The following SPAG16 variants were observed in gnomAD, a reference collection of about 807,000 sequenced individuals.
SPAG16 encodes sperm-associated antigen 16 protein.
SPAG16 carries 86 observed loss-of-function variants against 80.4 expected under a neutral mutation model. The ratio of observed to expected loss-of-function variants is 1.07; its 90% confidence interval spans 0.90 to 1.28. The LOEUF (loss-of-function observed/expected upper bound fraction) is 1.28. SPAG16 is among the 50% of genes most tolerant of loss of function. SPAG16 has a pLI of 0.00. For synonymous variants in SPAG16, 294 were observed against 265.9 expected (o/e 1.11, Z -1.03); for missense variants, 870 against 765.3 (o/e 1.14, Z -1.61).
At chr2:213,613,894 G>A (rs554143274) in intron 10 of SPAG16, among the ~76,000 whole-genome samples, 4 of 152,160 alleles carry the variant, frequency 2.6e-5, no homozygotes, top group African/African-American at 9.7e-5. Context: ...TATAAACTAA[G>A]AATGGAAGTA....
chr2:214,353,826 C>G (rs1040167774), intron 15 of SPAG16, among the ~76,000 whole-genome samples: 1 of 152,078 alleles, frequency 6.6e-6, no homozygotes, highest in Non-Finnish European at 1.5e-5. Flanking sequence ...CACTAATTTC[C>G]AACCTGCTTC....
At chr2:213,354,092 G>A (rs183814603) in intron 7 of SPAG16, among the ~76,000 whole-genome samples, 2 of 152,242 alleles carry the variant, frequency 1.3e-5, no homozygotes, top group African/African-American at 2.4e-5. Context: ...GTGTCCATGT[G>A]TTCTCATTGT....
At chr2:213,342,285 GTA>G (rs199963967) in intron 6 of SPAG16, among the ~76,000 whole-genome samples, 1,961 of 144,704 alleles carry the variant, frequency 0.014, 22 homozygotes, top group South Asian at 0.037. Flanking sequence ...ACATACATAT[GTA>G]TATATATATG....
chr2:213,790,002 T>C (rs546198070), intron 10 of SPAG16, among the ~76,000 whole-genome samples: 1 of 152,042 alleles, frequency 6.6e-6, no homozygotes, highest in African/African-American at 2.4e-5. Flanking sequence ...AATCTGCCCT[T>C]CAAAAATGAT....
At chr2:213,683,544 C>G (rs2064500875) in intron 10 of SPAG16, among the ~76,000 whole-genome samples, 1 of 151,352 alleles carries the variant, frequency 6.6e-6, no homozygotes, top group African/African-American at 2.4e-5. Flanking sequence ...GAGTGAGACT[C>G]CATCTCCAAA....
chr2:214,091,838 A>G (rs1235442500), intron 13 of SPAG16, among the ~76,000 whole-genome samples: 3 of 152,106 alleles, frequency 2.0e-5, no homozygotes, highest in Admixed American at 2.0e-4. Flanking sequence ...GAACATATTA[A>G]CAACCTGATC....
chr2:213,829,596 G>C (rs2073507804), intron 10 of SPAG16, among the ~76,000 whole-genome samples: 1 of 152,084 alleles, frequency 6.6e-6, no homozygotes, highest in Admixed American at 6.5e-5. Flanking sequence ...CCACAGCTGT[G>C]AATGTGCTGG....
At chr2:213,346,610 A>G (rs1460682900) in intron 6 of SPAG16, among the ~76,000 whole-genome samples, 1 of 152,182 alleles carries the variant, frequency 6.6e-6, no homozygotes, top group African/African-American at 2.4e-5. Context: ...AATTTTGTCA[A>G]AGGCCTTTTC....
intron 9 of SPAG16, among the ~76,000 whole-genome samples, chr2:213,430,219 C>A (rs374022886): frequency 6.6e-6 from 1 of 152,054 alleles, no homozygotes; most frequent in East Asian, 1.9e-4. Flanking sequence ...AAAGTTTCAA[C>A]AATAGATGAG....
chr2:213,586,684 AAGGT>A (rs1479925962), intron 10 of SPAG16, among the ~76,000 whole-genome samples: 4 of 152,236 alleles, frequency 2.6e-5, no homozygotes, highest in Non-Finnish European at 4.4e-5. Flanking sequence ...GGTGAGACTC[AAGGT>A]ACAATTCATT....
intron 10 of SPAG16, among the ~76,000 whole-genome samples, chr2:213,596,682 G>A (rs1032766059): frequency 1.3e-5 from 2 of 152,102 alleles, no homozygotes; most frequent in Non-Finnish European, 1.5e-5. Flanking sequence ...GGGTTGTTTG[G>A]TATTGGAAGG....
chr2:214,043,305 G>C (rs1273544039), intron 13 of SPAG16, among the ~76,000 whole-genome samples: 1 of 152,082 alleles, frequency 6.6e-6, no homozygotes, highest in Non-Finnish European at 1.5e-5. Context: ...CCCTTAGTTA[G>C]GACATCTTGT....
chr2:213,433,915 C>CTTTTTTTTTTT (rs33989475), intron 9 of SPAG16, among the ~76,000 whole-genome samples: 3 of 84,998 alleles, frequency 3.5e-5, no homozygotes, highest in African/African-American at 8.5e-5. Flanking sequence ...TTTTCTTTGT[C>CTTTTTTTTTTT]TTTTTTTTTT....
intron 5 of SPAG16, among the ~76,000 whole-genome samples, chr2:213,334,265 C>A (rs927032677): frequency 7.9e-5 from 12 of 152,256 alleles, no homozygotes; most frequent in Middle Eastern, 3.4e-3. Flanking sequence ...GAGCTGTCAT[C>A]TCACCCCAGT....
rs143888545 is a variant in SPAG16 at position 214,171,447 on chromosome 2, CAATA to C, written c.1720+22186_1720+22189del. Among the ~76,000 whole-genome samples, 864 of 151,914 alleles carry C rather than the reference CAATA, an allele frequency of 5.7e-3. 6 individuals are homozygous for C. The highest frequency in any genetic ancestry group is 0.01 in the Middle Eastern group (3 of 294). Reference sequence around the variant, plus strand: ...TCCCCTTGTACAGATGCTAGCATATCAATAAATAGTTTATATATTTTATAACATC... The same window carrying C: ...TCCCCTTGTACAGATGCTAGCATATCAATAGTTTATATATTTTATAACATC... On this transcript the variant is annotated intron_variant, in intron 15 of 15. Coordinates refer to ENST00000331683, the MANE Select transcript of SPAG16 (RefSeq NM_024532.5).
chr2:214,226,593 C>G (rs972320160), intron 15 of SPAG16, among the ~76,000 whole-genome samples: 2 of 151,916 alleles, frequency 1.3e-5, no homozygotes, highest in African/African-American at 4.8e-5. Context: ...TGTTGTTCAC[C>G]AAAATGTGGT....
At chr2:213,338,205 T>C (rs1575253100) in intron 5 of SPAG16, among the ~76,000 whole-genome samples, 3 of 152,212 alleles carry the variant, frequency 2.0e-5, no homozygotes, top group African/African-American at 4.8e-5. Context: ...TTGCAAGCAC[T>C]CCTGAAGGAA....
chr2:213,893,040 AG>A (rs2076847047), intron 11 of SPAG16, among the ~76,000 whole-genome samples: 1 of 152,124 alleles, frequency 6.6e-6, no homozygotes, highest in Non-Finnish European at 1.5e-5. Context: ...TCAAGGACCA[AG>A]AGTGAATCCC....
At chr2:213,334,830 G>A (rs2064272442) in intron 5 of SPAG16, among the ~76,000 whole-genome samples, 1 of 152,180 alleles carries the variant, frequency 6.6e-6, no homozygotes, top group Non-Finnish European at 1.5e-5. Context: ...GTGTGTGGGT[G>A]AGCCAGGGAT....
Sources: allele counts gnomAD v4.1 joint callset (sites outside exome capture counted in the v4.1 genomes callset), GRCh38; gene constraint gnomAD v4.1.1; transcripts MANE v1.5; gene names NCBI Gene and HGNC (gene_info 2026-07-23, HGNC 2026-07-21).